CPNE5: variants seen among roughly 807,000 people sequenced by gnomAD.
The protein encoded by CPNE5 is copine-5.
Under a neutral mutation model 81.1 loss-of-function variants are expected in CPNE5, and 42 were observed. That is an observed-to-expected ratio of 0.52 (90% CI 0.40 to 0.67). The LOEUF is 0.67. CPNE5 is among the 30% of genes least tolerant of loss of function. The pLI, the probability that CPNE5 is intolerant of heterozygous loss-of-function variation, is 0.00. For synonymous variants in CPNE5, 313 were observed against 321.5 expected (o/e 0.97, Z 0.28); for missense variants, 612 against 815.5 (o/e 0.75, Z 3.04).
rs1009576724 is a variant in CPNE5 at position 36,766,078 on chromosome 6, C to T, written c.738-702G>A. 6.6e-6 allele frequency among the ~76,000 whole-genome samples: 1 copy of T among 152,060 alleles called. No homozygotes were observed. The highest frequency in any genetic ancestry group is 1.9e-4 in the East Asian group (1 of 5,196). ...CTGGGAGGAGGGAGGTGGAGGGTTG[C>T]GGTTAACCCTTGGTGCCAGCTGCTC... On this transcript the variant is annotated intron_variant, in intron 10 of 20. Transcript: ENST00000244751. This position sits in a 1 kb window ranked among gnomAD's most constrained non-coding sequence, Gnocchi z 4.2.
At position 36,781,780 on chromosome 6, in the gene CPNE5, G is replaced by A. The variant is rs572683758; in HGVS notation, c.529-2823C>T. On this transcript the variant is annotated intron_variant, in intron 8 of 20. Coordinates refer to ENST00000244751, the MANE Select transcript of CPNE5 (RefSeq NM_020939.2). ...GGAGATTCAAGATAGTGACAGCAGA[G>A]CATTAAACCAAGCACAGGTCCCCGT... is the stretch of plus-strand genomic sequence containing the variant. Among the ~76,000 whole-genome samples the A allele has an allele frequency of 4.6e-5, 7 of 152,340 alleles. No individual in the cohort carries two copies. The South Asian group carries it at 1.2e-3, about 27-fold the overall frequency.
In CPNE5 at chr6:36,746,714, G is replaced by A. The variant is rs929051; in HGVS notation, c.1019-137C>T. 0.43 allele frequency: 297,275 copies of A among 689,918 alleles called. 65,592 individuals are homozygous for A. The highest frequency in any genetic ancestry group is 0.55 in the East Asian group (17,146 of 31,254). 42.7% of individuals were successfully genotyped at this position (689,918 alleles called of 1,614,324 possible). On this transcript the variant is annotated intron_variant, in intron 15 of 20. Transcript: ENST00000244751. The surrounding 1 kb of genome is among the most constrained non-coding windows in gnomAD (Gnocchi z 4.5). ...CTCCTCTCTTTCTCTCATACCCCAT[G>A]TTAAATCCTTCAGCAAAACAGATCT...
chr6:36,834,467 C>T (rs1773284354), intron 1 of CPNE5, among the ~76,000 whole-genome samples: 1 of 151,912 alleles, frequency 6.6e-6, no homozygotes, highest in Non-Finnish European at 1.5e-5. Context: ...ACCAGCCTGA[C>T]CAACATGGTG....
At chr6:36,744,373 C>T (rs780073429) in intron 18 of CPNE5, 48 bp from the exon 19 acceptor site, 2 of 1,479,432 alleles carry the variant, frequency 1.4e-6, no homozygotes, top group South Asian at 2.4e-5. Context: ...CAATTGGGAC[C>T]CAGTTAAAAG....
At position 36,746,516 on chromosome 6, in the gene CPNE5, C is replaced by T. The variant is rs369397989; in HGVS notation, c.1080G>A (p.Ala360=). The change falls in exon 16 of 21, where the codon GCG becomes GCA. Residue 360 remains alanine, a synonymous_variant. Transcript: ENST00000244751. This position sits in a 1 kb window ranked among gnomAD's most constrained non-coding sequence, Gnocchi z 4.5. ...YMSPYQLNAY[A]LALTAVGEII... ...TCTCTCCGACGGCAGTCAGCGCCAG[C>T]GCGTAGGCGTTCAGCTGGTAGGGGC... is the stretch of plus-strand genomic sequence containing the variant. 2.7e-5 allele frequency: 44 copies of T among 1,613,730 alleles called. No individual in the cohort carries two copies. Among genetic ancestry groups the T allele is most frequent in the East Asian group, 1.1e-4 (5 of 44,850 alleles).
intron 1 of CPNE5, among the ~76,000 whole-genome samples, chr6:36,833,412 A>C (rs236356): frequency 0.028 from 4,332 of 152,316 alleles, 192 homozygotes; most frequent in African/African-American, 0.095. Flanking sequence ...GGACCTGGGA[A>C]TATGATAGGT....
upstream of CPNE5, chr6:36,839,666 A>T: frequency 1.0e-5 from 1 of 97,198 alleles, no homozygotes; most frequent in Non-Finnish European, 2.1e-5. The surrounding 1 kb of genome is among the most constrained non-coding windows in gnomAD (Gnocchi z 7.3). Context: ...GAAGGCAGAG[A>T]GGGGCGCGGG....
At chr6:36,833,040 C>T (rs1409094065) in intron 1 of CPNE5, among the ~76,000 whole-genome samples, 1 of 152,330 alleles carries the variant, frequency 6.6e-6, no homozygotes, top group East Asian at 1.9e-4. Flanking sequence ...AAGGCCTCTC[C>T]CATCCCTGGG....
intron 12 of CPNE5, among the ~76,000 whole-genome samples, chr6:36,761,844 C>G (rs976201975): frequency 8.5e-5 from 13 of 152,128 alleles, no homozygotes; most frequent in African/African-American, 3.1e-4. Context: ...TGGCATGAAC[C>G]ATGATGTCTG....
At chr6:36,836,147 C>T (rs1429859777) in intron 1 of CPNE5, among the ~76,000 whole-genome samples, 2 of 152,158 alleles carry the variant, frequency 1.3e-5, no homozygotes, top group South Asian at 2.1e-4. Flanking sequence ...GAGTTTACCA[C>T]AGTCAGTAAA....
chr6:36,785,856 C>T (rs1240329409), intron 8 of CPNE5, among the ~76,000 whole-genome samples: 2 of 151,650 alleles, frequency 1.3e-5, no homozygotes, highest in African/African-American at 2.4e-5. Context: ...CTACCAAAAA[C>T]ACAAAAATTA....
intron 20 of CPNE5, 81 bp downstream of exon 20, chr6:36,743,608 A>C: frequency 1.5e-6 from 2 of 1,354,804 alleles, no homozygotes; most frequent in Non-Finnish European, 2.1e-6. Flanking sequence ...TCACCAGGGA[A>C]GCCCCCAAAG....
intron 13 of CPNE5, chr6:36,754,629 A>G (rs1765224063): frequency 6.6e-6 from 1 of 152,264 alleles, no homozygotes. Flanking sequence ...ATGCTGGAGT[A>G]AAAGGAAAGT....
chr6:36,810,219 G>A (rs893672818), intron 3 of CPNE5, among the ~76,000 whole-genome samples: 9 of 152,086 alleles, frequency 5.9e-5, no homozygotes, highest in Non-Finnish European at 1.3e-4. Flanking sequence ...ATTACAGCTG[G>A]ATTGAGCTTC....
intron 20 of CPNE5, chr6:36,743,216 C>T (rs940425845): frequency 4.6e-5 from 45 of 985,314 alleles, no homozygotes; most frequent in African/African-American, 1.2e-4. Flanking sequence ...CATTCTTCCA[C>T]GTGAGACTGC....
chr6:36,811,979 C>G lies in CPNE5; in HGVS notation c.183+10135G>C, dbSNP rs575620182. 2.6e-5 allele frequency among the ~76,000 whole-genome samples: 4 copies of G among 152,258 alleles called. No homozygotes were observed. In the South Asian group the frequency reaches 8.3e-4, roughly 32 times the overall value. ...ATTAGCTGGGGGTGGTGGCATATGC[C>G]TGTAATCCTAGTTACTCGGGAGGCT... On this transcript the variant is annotated intron_variant, in intron 3 of 20. Coordinates refer to ENST00000244751, the MANE Select transcript of CPNE5 (RefSeq NM_020939.2).
chr6:36,816,777 A>ATGTT (rs1254489822), intron 3 of CPNE5, among the ~76,000 whole-genome samples: 1 of 152,048 alleles, frequency 6.6e-6, no homozygotes, highest in African/African-American at 2.4e-5. Context: ...CGTCCCCAGT[A>ATGTT]TGTTTGTTTG....
At chr6:36,796,239 G>C (rs1432891799) in intron 6 of CPNE5, among the ~76,000 whole-genome samples, 28 of 152,222 alleles carry the variant, frequency 1.8e-4, no homozygotes, top group Admixed American at 1.8e-3. Context: ...ATGAGCTACT[G>C]AGCCCTGCCA....
intron 3 of CPNE5, among the ~76,000 whole-genome samples, chr6:36,810,652 G>A (rs541586044): frequency 6.6e-5 from 10 of 152,312 alleles, no homozygotes; most frequent in African/African-American, 2.2e-4. Flanking sequence ...CACCATCTTG[G>A]GTCTGGAAAG....
Sources: gnomAD v4.1 joint callset for allele counts (sites outside exome capture counted in the v4.1 genomes callset) on GRCh38, gnomAD v4.1.1 for gene constraint, Gnocchi (gnomAD v3.1) non-coding constraint, MANE v1.5 for transcripts, NCBI Gene and HGNC (gene_info 2026-07-23, HGNC 2026-07-21) for gene names.